TMEM184B: variants seen among roughly 807,000 people sequenced by gnomAD.
The protein encoded by TMEM184B is transmembrane protein 184B.
In TMEM184B, 17 loss-of-function variants were observed where a neutral mutation model predicts 41.8. The observed-to-expected ratio is 0.41, with a 90% CI of 0.28 to 0.61. The LOEUF (loss-of-function observed/expected upper bound fraction) is 0.61. Among genes scored for constraint, TMEM184B ranks in the 20% least tolerant of loss-of-function variants. The probability of loss-of-function intolerance (pLI) is 0.34; values close to 1 mark genes in which losing one functional copy is unlikely to be tolerated. For missense variants in TMEM184B, 393 were observed against 557.8 expected, an observed-to-expected ratio of 0.70 and a Z score of 2.98; for synonymous variants, 240 against 229.5, an observed-to-expected ratio of 1.05 and a Z score of -0.41.
chr22:38,230,841 G>A (rs775150566), intron 4 of TMEM184B, 97 bp from the exon 5 acceptor site: 26 of 1,164,576 alleles, frequency 2.2e-5, no homozygotes, highest in Non-Finnish European at 2.6e-5. Context: ...CCATCCAGAC[G>A]AGCTGGGGCA....
At chr22:38,260,831 G>T (rs1318796113) in intron 1 of TMEM184B, among the ~76,000 whole-genome samples, 5 of 152,132 alleles carry the variant, frequency 3.3e-5, no homozygotes, top group Non-Finnish European at 7.3e-5. Flanking sequence ...ATCTTCTGAG[G>T]TCATATTTTC....
chr22:38,222,561 G>A (rs1415612682), intron 8 of TMEM184B: 1 of 982,828 alleles, frequency 1.0e-6, no homozygotes, highest in African/African-American at 1.8e-5. Flanking sequence ...ACACGGAGAA[G>A]AGCTACAGAG....
intron 1 of TMEM184B, among the ~76,000 whole-genome samples, chr22:38,268,385 A>AG (rs2092473788): frequency 6.6e-6 from 1 of 151,576 alleles, no homozygotes; most frequent in African/African-American, 2.4e-5. Flanking sequence ...AAAAAAAAAA[A>AG]AAAAAGAAAG....
chr22:38,239,016 C>T lies in TMEM184B; in HGVS notation c.358+6919G>A, dbSNP rs951328691. On this transcript the variant is annotated intron_variant, in intron 3 of 8. Coordinates refer to ENST00000361906, the MANE Select transcript of TMEM184B (RefSeq NM_012264.5). The surrounding 1 kb of genome is among the most constrained non-coding windows in gnomAD (Gnocchi z 4.6). ...CCTAACAAACAGCAACTGCATAAAG[C>T]GACATACGGACACCGCCTCCTGCCT... is the stretch of plus-strand genomic sequence containing the variant. 2.0e-5 allele frequency among the ~76,000 whole-genome samples: 3 copies of T among 152,190 alleles called. No individual in the cohort carries two copies. Among genetic ancestry groups the T allele is most frequent in the African/African-American group, 7.2e-5 (3 of 41,430 alleles).
chr22:38,258,542 C>A (rs1490179281), intron 1 of TMEM184B, among the ~76,000 whole-genome samples: 3 of 152,070 alleles, frequency 2.0e-5, no homozygotes, highest in Non-Finnish European at 4.4e-5. Context: ...TCAAGTGATC[C>A]ACCAACCTCA....
At chr22:38,269,683 C>A (rs752632107) in intron 1 of TMEM184B, among the ~76,000 whole-genome samples, 8 of 152,202 alleles carry the variant, frequency 5.3e-5, no homozygotes, top group East Asian at 1.9e-4. Flanking sequence ...GGCAACAGAG[C>A]GAGACTCCAT....
At position 38,264,649 on chromosome 22, in the gene TMEM184B, G is replaced by A. The variant is rs746349358; in HGVS notation, c.-59+8235C>T. Among the ~76,000 whole-genome samples, 10 of 152,154 alleles carry A rather than the reference G, an allele frequency of 6.6e-5. 1 individual carries two copies. The highest frequency in any genetic ancestry group is 1.2e-4 in the Non-Finnish European group (8 of 68,014). On this transcript the variant is annotated intron_variant, in intron 1 of 8. Coordinates refer to ENST00000361906, the MANE Select transcript of TMEM184B (RefSeq NM_012264.5). ...CACCTAAGCATCAAGCCAGGGAGTTGAGGAGATGGAGGCGGGTCTCTGGAA... is the reference window on the plus strand; with the variant it reads ...CACCTAAGCATCAAGCCAGGGAGTTAAGGAGATGGAGGCGGGTCTCTGGAA...
chr22:38,235,840 A>T (rs1602404707), intron 3 of TMEM184B, among the ~76,000 whole-genome samples: 2 of 152,344 alleles, frequency 1.3e-5, no homozygotes, highest in South Asian at 4.1e-4. Context: ...ATGTAAGAAG[A>T]GCGGAGAAGC....
At chr22:38,271,680 C>T (rs1271613765) in intron 1 of TMEM184B, among the ~76,000 whole-genome samples, 1 of 152,196 alleles carries the variant, frequency 6.6e-6, no homozygotes, top group Non-Finnish European at 1.5e-5. Flanking sequence ...CTGATTCCCC[C>T]ATGCTTGAGA....
intron 1 of TMEM184B, among the ~76,000 whole-genome samples, chr22:38,252,347 C>A (rs776491900): frequency 7.2e-5 from 11 of 152,214 alleles, no homozygotes; most frequent in Non-Finnish European, 1.3e-4. Context: ...AGGCGAGAGC[C>A]ACCACAACTG....
chr22:38,224,977 T>C lies in TMEM184B; in HGVS notation c.790A>G (p.Met264Val), dbSNP rs140149075. The change falls in exon 8 of 9, where the codon ATG (methionine) becomes GTG (valine). Residue 264 changes from methionine to valine, a missense_variant and splice_region_variant. Met to Val is a conservative substitution (Grantham distance 21). Coordinates refer to ENST00000361906, the MANE Select transcript of TMEM184B (RefSeq NM_012264.5). ...SVIFLSFWQG[M>V]LLAILEKCGA... is the part of the protein sequence containing the mutation. ...CACTTCTCCAGGATGGCCAGGAGCATGCCTGGATGGGGAGGCACGGGTGTC... is the reference window on the plus strand; with the variant it reads ...CACTTCTCCAGGATGGCCAGGAGCACGCCTGGATGGGGAGGCACGGGTGTC... 6.4e-7 allele frequency: 1 copy of C among 1,563,234 alleles called. No individual in the cohort carries two copies. Among genetic ancestry groups the C allele is most frequent in the African/African-American group, 1.4e-5 (1 of 73,900 alleles).
intron 1 of TMEM184B, among the ~76,000 whole-genome samples, chr22:38,250,861 C>T (rs1186057891): frequency 6.6e-6 from 1 of 152,234 alleles, no homozygotes; most frequent in Non-Finnish European, 1.5e-5. Flanking sequence ...CACTCACGTG[C>T]CCATGCCCAC....
At chr22:38,271,368 C>T (rs1191861147) in intron 1 of TMEM184B, among the ~76,000 whole-genome samples, 1 of 152,188 alleles carries the variant, frequency 6.6e-6, no homozygotes, top group African/African-American at 2.4e-5. Context: ...AGGCTTGCCA[C>T]GTATCGTGGA....
At chr22:38,263,620 T>C (rs1379452985) in intron 1 of TMEM184B, among the ~76,000 whole-genome samples, 1 of 152,234 alleles carries the variant, frequency 6.6e-6, no homozygotes, top group East Asian at 1.9e-4. Flanking sequence ...ATGACGAACC[T>C]TGCAAATAAA....
chr22:38,261,138 T>C (rs1285512611), intron 1 of TMEM184B, among the ~76,000 whole-genome samples: 1 of 152,174 alleles, frequency 6.6e-6, no homozygotes, highest in Non-Finnish European at 1.5e-5. Flanking sequence ...CCTCCTGCCT[T>C]TGGGGGTTGC....
Position 38,220,158 on chromosome 22 carries a change from G to A in TMEM184B, c.*1311C>T. 5 of 985,402 alleles carry A rather than the reference G, an allele frequency of 5.1e-6. No homozygotes were observed. Among genetic ancestry groups the A allele is most frequent in the South Asian group, 4.7e-5 (1 of 21,274 alleles). 61.0% of individuals were successfully genotyped at this position (985,402 alleles called of 1,614,324 possible). A position where few individuals can be genotyped will look rare whatever the true frequency, so the allele number is the denominator to read the frequency against. On this transcript the variant is annotated 3_prime_UTR_variant, in exon 9 of 9. Coordinates refer to ENST00000361906, the MANE Select transcript of TMEM184B (RefSeq NM_012264.5). Reference sequence around the variant, plus strand: ...TGACACGAGGCTCTTCCTAAGTCAGGAGCTAGTATAAGCCCAGCCTGCTGG... The same window carrying A: ...TGACACGAGGCTCTTCCTAAGTCAGAAGCTAGTATAAGCCCAGCCTGCTGG...
chr22:38,252,932 G>A (rs1303671597), intron 1 of TMEM184B, among the ~76,000 whole-genome samples: 1 of 151,374 alleles, frequency 6.6e-6, no homozygotes, highest in Non-Finnish European at 1.5e-5. Flanking sequence ...CACGAGGTCA[G>A]GAGATCGAGA....
At chr22:38,256,804 C>T (rs972627159) in intron 1 of TMEM184B, among the ~76,000 whole-genome samples, 1 of 152,240 alleles carries the variant, frequency 6.6e-6, no homozygotes, top group African/African-American at 2.4e-5. Context: ...CTTCGGTGTG[C>T]ATCTGTACTT....
intron 8 of TMEM184B, chr22:38,222,816 C>G (rs572422000): frequency 1.2e-5 from 8 of 658,852 alleles, no homozygotes; most frequent in South Asian, 1.3e-4. Context: ...CCCCACCCCC[C>G]CAGGCCCCAC....
Sources: allele counts gnomAD v4.1 joint callset (sites outside exome capture counted in the v4.1 genomes callset), GRCh38; gene constraint gnomAD v4.1.1; non-coding constraint Gnocchi (gnomAD v3.1); transcripts MANE v1.5; gene names NCBI Gene and HGNC (gene_info 2026-07-23, HGNC 2026-07-21).